Variants in PLSCR2 observed in about 807,000 individuals in gnomAD.
PLSCR2 encodes phospholipid scramblase 2, also known as PL scramblase 2.
In PLSCR2, 18 loss-of-function variants were observed where a neutral mutation model predicts 25.3. The observed-to-expected ratio is 0.71, with a 90% CI of 0.49 to 1.06. PLSCR2 has a LOEUF of 1.06. PLSCR2 is among the 50% of genes least tolerant of loss of function. PLSCR2 has a pLI of 0.00. For missense variants in PLSCR2, 243 were observed against 269.5 expected, an observed-to-expected ratio of 0.90 and a Z score of 0.69; for synonymous variants, 88 against 87.3, an observed-to-expected ratio of 1.01 and a Z score of -0.04.
chr3:146,437,288 C>T (rs2039930137), downstream of PLSCR2, among the ~76,000 whole-genome samples: 1 of 152,138 alleles, frequency 6.6e-6, no homozygotes, highest in South Asian at 2.1e-4. Flanking sequence ...ATGCTGGCCT[C>T]ATAAAATGGG....
chr3:146,425,148 T>C (rs997051108), intron 2 of PLSCR2, among the ~76,000 whole-genome samples: 1 of 152,040 alleles, frequency 6.6e-6, no homozygotes, highest in African/African-American at 2.4e-5. Flanking sequence ...AGACGTTAAA[T>C]ATGTTGCACC....
intron 1 of PLSCR2, among the ~76,000 whole-genome samples, chr3:146,483,447 ATGTATG>A (rs1300365592): frequency 1.8e-5 from 1 of 55,528 alleles, no homozygotes; most frequent in Non-Finnish European, 3.5e-5. Flanking sequence ...ATATATACAC[ATGTATG>A]TATATATATA....
At chr3:146,473,503 G>A (rs549336644) in intron 1 of PLSCR2, among the ~76,000 whole-genome samples, 3 of 151,748 alleles carry the variant, frequency 2.0e-5, no homozygotes, top group South Asian at 2.1e-4. Flanking sequence ...ATGGGGTTTC[G>A]CCATGTTGGT....
chr3:146,447,048 TGTG>T (rs1000257838), intron 6 of PLSCR2, among the ~76,000 whole-genome samples: 10 of 152,182 alleles, frequency 6.6e-5, no homozygotes, highest in African/African-American at 2.4e-4. Flanking sequence ...TCGGTCAGCT[TGTG>T]GTGAATTATG....
intron 6 of PLSCR2, among the ~76,000 whole-genome samples, chr3:146,447,127 C>T (rs1194923964): frequency 2.0e-5 from 3 of 152,152 alleles, no homozygotes; most frequent in Non-Finnish European, 4.4e-5. Flanking sequence ...TCCATAAATG[C>T]CATCCAGGAG....
intron 6 of PLSCR2, among the ~76,000 whole-genome samples, chr3:146,443,082 G>A (rs1362706013): frequency 6.6e-6 from 1 of 151,898 alleles, no homozygotes; most frequent in Non-Finnish European, 1.5e-5. Context: ...TATCCAAAAC[G>A]TATGTTGAAC....
chr3:146,416,249 C>G (rs1030527934), intron 2 of PLSCR2, among the ~76,000 whole-genome samples: 2 of 151,716 alleles, frequency 1.3e-5, no homozygotes, highest in African/African-American at 4.8e-5. Flanking sequence ...TGCATCTGGC[C>G]AAAAGTAGGC....
chr3:146,446,787 C>T (rs1049651708), intron 6 of PLSCR2, among the ~76,000 whole-genome samples: 1 of 152,130 alleles, frequency 6.6e-6, no homozygotes, highest in Non-Finnish European at 1.5e-5. Context: ...AGATACTGTC[C>T]AGGAGCCTGG....
At chr3:146,419,511 T>C (rs2039081696) in intron 2 of PLSCR2, among the ~76,000 whole-genome samples, 1 of 152,140 alleles carries the variant, frequency 6.6e-6, no homozygotes, top group Middle Eastern at 3.2e-3. Context: ...ATTAATTTCC[T>C]GTTGCTGCTA....
chr3:146,481,538 C>G (rs2043130222), intron 1 of PLSCR2, among the ~76,000 whole-genome samples: 1 of 152,186 alleles, frequency 6.6e-6, no homozygotes, highest in Non-Finnish European at 1.5e-5. Flanking sequence ...TGAAGGACCT[C>G]TTCAAGGAGA....
chr3:146,413,812 T>A (rs2038926260), intron 2 of PLSCR2, among the ~76,000 whole-genome samples: 1 of 152,230 alleles, frequency 6.6e-6, no homozygotes, highest in Non-Finnish European at 1.5e-5. Context: ...CAATCTAGCC[T>A]TTTTCTAGCT....
At chr3:146,407,947 T>C (rs1009344710) in intron 2 of PLSCR2, among the ~76,000 whole-genome samples, 1 of 152,164 alleles carries the variant, frequency 6.6e-6, no homozygotes, top group Non-Finnish European at 1.5e-5. Flanking sequence ...TAACAGTTCT[T>C]GACAGTCATG....
chr3:146,465,113 C>T (rs558271406), upstream of PLSCR2, among the ~76,000 whole-genome samples: 1 of 152,248 alleles, frequency 6.6e-6, no homozygotes, highest in African/African-American at 2.4e-5. Flanking sequence ...AAGAAGTTCC[C>T]ACTACTTTAG....
intron 2 of PLSCR2, among the ~76,000 whole-genome samples, chr3:146,420,006 T>C (rs906805769): frequency 6.6e-6 from 1 of 152,108 alleles, no homozygotes; most frequent in African/African-American, 2.4e-5. Flanking sequence ...TTCAAGGTAG[T>C]TGAATTCCAA....
chr3:146,485,338 CATA>C (rs2043302393), intron 1 of PLSCR2, among the ~76,000 whole-genome samples: 1 of 152,080 alleles, frequency 6.6e-6, no homozygotes, highest in African/African-American at 2.4e-5. Context: ...TAGACTCCCA[CATA>C]ATAATAGTGG....
intron 1 of PLSCR2, among the ~76,000 whole-genome samples, chr3:146,488,375 A>T (rs922452109): frequency 2.6e-5 from 4 of 152,184 alleles, no homozygotes; most frequent in Non-Finnish European, 5.9e-5. Context: ...AGAAATTAGC[A>T]TCAGAGTGAA....
In PLSCR2 at chr3:146,434,900, C is replaced by G. The variant is rs373985793; in HGVS notation, c.*35-1383G>C. On this transcript the variant is annotated intron_variant, in intron 8 of 8. Transcript: ENST00000336685. ...ACTTGTCATTTACATTAGGTACATC[C>G]CCTAATGCTATCCCTCCCCCCTCCC... Among the ~76,000 whole-genome samples, 7 of 150,984 alleles carry G rather than the reference C, an allele frequency of 4.6e-5. No individual in the cohort carries two copies. The East Asian group carries it at 1.2e-3, about 25-fold the overall frequency.
chr3:146,440,486 T>G (rs1030117331), downstream of PLSCR2, among the ~76,000 whole-genome samples: 1 of 152,180 alleles, frequency 6.6e-6, no homozygotes, highest in African/African-American at 2.4e-5. Flanking sequence ...AGACGCCCCT[T>G]CCCCAGCCTC....
chr3:146,474,766 C>T (rs563385), intron 1 of PLSCR2, among the ~76,000 whole-genome samples: 7 of 151,772 alleles, frequency 4.6e-5, no homozygotes, highest in Non-Finnish European at 1.0e-4. Flanking sequence ...GTCTCCTCCT[C>T]GTACTCCAAT....
Sources: allele counts gnomAD v4.1 joint callset (sites outside exome capture counted in the v4.1 genomes callset), GRCh38; gene constraint gnomAD v4.1.1; transcripts MANE v1.5; gene names NCBI Gene and HGNC (gene_info 2026-07-23, HGNC 2026-07-21).